Variants in SGPP2 observed in about 807,000 individuals in gnomAD.
SGPP2 encodes the protein sphingosine 1-phosphate phosphohydrolase 2.
In SGPP2, 30 loss-of-function variants were observed where a neutral mutation model predicts 33.9. The ratio of observed to expected loss-of-function variants is 0.89; its 90% confidence interval spans 0.66 to 1.20. The LOEUF (loss-of-function observed/expected upper bound fraction) is 1.20, where lower values mean the gene tolerates loss of function less well. Among genes scored for constraint, SGPP2 ranks in the 50% most tolerant of loss-of-function variants. The pLI is 0.00. For missense variants in SGPP2, 458 were observed against 532.1 expected (o/e 0.86, Z 1.37); for synonymous variants, 233 against 225.0 (o/e 1.04, Z -0.32).
At chr2:222,517,400 G>A (rs1484535804) in intron 2 of SGPP2, among the ~76,000 whole-genome samples, 1 of 152,172 alleles carries the variant, frequency 6.6e-6, no homozygotes, top group East Asian at 1.9e-4. Flanking sequence ...GCTGGGGACA[G>A]TCGGAGAGGA....
intron 2 of SGPP2, among the ~76,000 whole-genome samples, chr2:222,491,245 C>T (rs911172495): frequency 2.0e-5 from 3 of 152,172 alleles, no homozygotes; most frequent in African/African-American, 7.2e-5. Flanking sequence ...AGAAATCCCC[C>T]TGCCTCAGCT....
At chr2:222,519,662 ACC>A (rs1698654258) in intron 2 of SGPP2, among the ~76,000 whole-genome samples, 1 of 152,114 alleles carries the variant, frequency 6.6e-6, no homozygotes, top group African/African-American at 2.4e-5. Flanking sequence ...TAGTTTTTCA[ACC>A]TACTCCCTCC....
chr2:222,558,283 A>G, intron 4 of SGPP2, 64 bp from the exon 5 acceptor site: 7 of 1,534,680 alleles, frequency 4.6e-6, no homozygotes, highest in Non-Finnish European at 6.2e-6. Context: ...ACTTGATTCA[A>G]ATTATACCTG....
intron 4 of SGPP2, among the ~76,000 whole-genome samples, chr2:222,551,831 A>G (rs181831371): frequency 1.3e-5 from 2 of 152,368 alleles, no homozygotes; most frequent in Admixed American, 6.5e-5. Flanking sequence ...AAAGGAAGAC[A>G]GATTTTTATT....
chr2:222,561,527 TATC>T lies in SGPP2; in HGVS notation c.*2632_*2634del, dbSNP rs569404613. Among the ~76,000 whole-genome samples, 1 of 143,064 alleles carries T rather than the reference TATC, an allele frequency of 7.0e-6. No homozygotes were observed. Among genetic ancestry groups the T allele is most frequent in the African/African-American group, 2.5e-5 (1 of 40,402 alleles). The allele number at this position is 143,064 out of a possible 152,430, so 93.9% of individuals were successfully genotyped here. ...GCCTCTCATATATATGATATATATATATCATTTTATATATATATATATATCATA... is the reference window on the plus strand; with the variant it reads ...GCCTCTCATATATATGATATATATATATTTTATATATATATATATATCATA... On this transcript the variant is annotated 3_prime_UTR_variant, in exon 5 of 5. Transcript: ENST00000321276.
intron 2 of SGPP2, among the ~76,000 whole-genome samples, chr2:222,485,970 G>C (rs1445947298): frequency 1.3e-5 from 2 of 152,216 alleles, no homozygotes; most frequent in Non-Finnish European, 2.9e-5. Flanking sequence ...TGCTGTTATT[G>C]CTTCTCTTCC....
intron 1 of SGPP2, among the ~76,000 whole-genome samples, chr2:222,461,135 T>G (rs1697652866): frequency 6.6e-6 from 1 of 152,230 alleles, no homozygotes; most frequent in African/African-American, 2.4e-5. Context: ...GTCTTGTGAT[T>G]TACATTGTTA....
chr2:222,438,917 A>G (rs1697284766), intron 1 of SGPP2, among the ~76,000 whole-genome samples: 1 of 152,048 alleles, frequency 6.6e-6, no homozygotes, highest in African/African-American at 2.4e-5. Context: ...TCACCCTACC[A>G]GTCAGGGAGC....
At chr2:222,501,683 T>C (rs1162973632) in intron 2 of SGPP2, among the ~76,000 whole-genome samples, 1 of 152,214 alleles carries the variant, frequency 6.6e-6, no homozygotes, top group Non-Finnish European at 1.5e-5. Context: ...TCACATTTTC[T>C]CTTGTCTCAG....
At chr2:222,452,772 G>A in intron 1 of SGPP2, 1 of 1,491,642 alleles carries the variant, frequency 6.7e-7, no homozygotes, top group Non-Finnish European at 9.4e-7. Context: ...GTGGTAAGAA[G>A]AGTAGAGGCT....
At chr2:222,478,648 T>C (rs567521331) in intron 2 of SGPP2, among the ~76,000 whole-genome samples, 22 of 152,350 alleles carry the variant, frequency 1.4e-4, no homozygotes, top group Admixed American at 7.2e-4. Context: ...AAGGCAACTT[T>C]GTTCAGGACT....
chr2:222,449,469 A>AG lies in SGPP2; in HGVS notation c.219+24648_219+24649insG, dbSNP rs1697450044. 5.6e-5 allele frequency among the ~76,000 whole-genome samples: 5 copies of AG among 89,210 alleles called. No individual in the cohort carries two copies. In the South Asian group the frequency reaches 2.0e-3, roughly 36 times the overall value. 58.5% of individuals were successfully genotyped at this position (89,210 alleles called of 152,430 possible). ...GATGCAGCCTTTACTCAGGTCAGCC[A>AG]ATTTTTTTTTTTTTTTTTGAGACGG... On this transcript the variant is annotated intron_variant, in intron 1 of 4. Transcript: ENST00000321276.
chr2:222,474,368 T>C (rs1697896972), intron 1 of SGPP2, among the ~76,000 whole-genome samples, 200 bp from the exon 2 acceptor site: 1 of 152,218 alleles, frequency 6.6e-6, no homozygotes, highest in South Asian at 2.1e-4. Flanking sequence ...CTTATTTAAT[T>C]TTACAAAAAA....
Position 222,465,702 on chromosome 2 carries a change from T to C in SGPP2, c.220-8866T>C, listed in dbSNP as rs1290291368. Among the ~76,000 whole-genome samples, 1 of 152,216 alleles carries C rather than the reference T, an allele frequency of 6.6e-6. No homozygotes were observed. The highest frequency in any genetic ancestry group is 1.5e-5 in the Non-Finnish European group (1 of 68,026). ...TGTGCTCCCATTTAAAACCCTCCCA[T>C]GGCTTTCTGCTCCTTCCAGCCTCAG... On this transcript the variant is annotated intron_variant, in intron 1 of 4. Transcript: ENST00000321276. This position sits in a 1 kb window ranked among gnomAD's most constrained non-coding sequence, Gnocchi z 4.1.
chr2:222,531,644 C>T (rs560199730), intron 4 of SGPP2, among the ~76,000 whole-genome samples: 17 of 151,954 alleles, frequency 1.1e-4, no homozygotes, highest in Non-Finnish European at 2.1e-4. Flanking sequence ...CTGTTAATAC[C>T]GCTGGATATT....
intron 2 of SGPP2, among the ~76,000 whole-genome samples, chr2:222,501,189 C>A (rs895601852): frequency 6.6e-6 from 1 of 152,182 alleles, no homozygotes; most frequent in Non-Finnish European, 1.5e-5. Flanking sequence ...CCTCATAAAT[C>A]CAGGTTTCCT....
intron 2 of SGPP2, among the ~76,000 whole-genome samples, chr2:222,485,979 C>T (rs957656728): frequency 6.6e-6 from 1 of 152,214 alleles, no homozygotes; most frequent in Non-Finnish European, 1.5e-5. Flanking sequence ...TGCTTCTCTT[C>T]CCACTCCTTT....
At chr2:222,545,648 AT>A (rs35243672) in intron 4 of SGPP2, among the ~76,000 whole-genome samples, 21,945 of 152,126 alleles carry the variant, frequency 0.14, 2,450 homozygotes, top group East Asian at 0.54. Context: ...CAAACTATTG[AT>A]TTGCAAGATT....
At position 222,535,148 on chromosome 2, in the gene SGPP2, G is replaced by A. The variant is rs183404736; in HGVS notation, c.648+10115G>A. Among the ~76,000 whole-genome samples, 101 of 151,942 alleles carry A rather than the reference G, an allele frequency of 6.6e-4. 1 individual carries two copies. Among genetic ancestry groups the A allele is most frequent in the African/African-American group, 2.3e-3 (95 of 41,428 alleles). ...TCCCAGCACTTTGGGAGGCAAAGGC[G>A]GGCAGATCACCTGAGGTCAGGAGTT... On this transcript the variant is annotated intron_variant, in intron 4 of 4. Transcript: ENST00000321276.
Sources: gnomAD v4.1 joint callset for allele counts (sites outside exome capture counted in the v4.1 genomes callset) on GRCh38, gnomAD v4.1.1 for gene constraint, Gnocchi (gnomAD v3.1) non-coding constraint, MANE v1.5 for transcripts, NCBI Gene and HGNC (gene_info 2026-07-23, HGNC 2026-07-21) for gene names.